CSMD1: variants seen among roughly 807,000 people sequenced by gnomAD.
CSMD1 encodes the protein CUB and sushi domain-containing protein 1.
A neutral mutation model predicts 417.5 loss-of-function variants in CSMD1; 213 were observed. That is an observed-to-expected ratio of 0.51 (90% CI 0.46 to 0.57). CSMD1 has a LOEUF of 0.57. CSMD1 is among the 20% of genes least tolerant of loss of function. The pLI, the probability that CSMD1 is intolerant of heterozygous loss-of-function variation, is 0.00. For synonymous variants in CSMD1, 2,862 were observed against 1,736.8 expected, an observed-to-expected ratio of 1.65 and a Z score of -16.11; for missense variants, 6,923 against 4,529.7, an observed-to-expected ratio of 1.53 and a Z score of -15.17.
intron 2 of CSMD1, among the ~76,000 whole-genome samples, chr8:4,430,805 GT>G (rs1182903862): frequency 6.6e-6 from 1 of 152,070 alleles, no homozygotes; most frequent in African/African-American, 2.4e-5. Context: ...CAGTAACAGC[GT>G]TTTTCCTGTC....
intron 5 of CSMD1, among the ~76,000 whole-genome samples, chr8:3,810,977 A>C (rs1379464207): frequency 6.6e-6 from 1 of 152,180 alleles, no homozygotes; most frequent in Non-Finnish European, 1.5e-5. Flanking sequence ...ATATAAGTAC[A>C]AGTACTTTAA....
intron 1 of CSMD1, among the ~76,000 whole-genome samples, chr8:4,796,774 C>T (rs1272550150): frequency 1.3e-5 from 2 of 152,182 alleles, no homozygotes; most frequent in African/African-American, 2.4e-5. Context: ...GTCCCCTTCC[C>T]CTTTTGCAAT....
At chr8:3,523,790 T>TGCACACACATGCACACAC (rs796600569) in intron 10 of CSMD1, among the ~76,000 whole-genome samples, 1 of 122,066 alleles carries the variant, frequency 8.2e-6, no homozygotes, top group African/African-American at 3.1e-5. Context: ...CCCAGAGACA[T>TGCACACACATGCACACAC]ATGCACACAT....
At position 3,493,615 on chromosome 8, in the gene CSMD1, A is replaced by G; in HGVS notation, c.1448+8T>C. On this transcript the variant is annotated splice_region_variant and intron_variant, in intron 11 of 69. Coordinates refer to ENST00000635120, the MANE Select transcript of CSMD1 (RefSeq NM_033225.6). ...ATAAGAGAAGAAGAAGCTCAAGGAC[A>G]TACTCACACGTACAAGACCGATCTG... 1 of 1,602,210 alleles carries G rather than the reference A, an allele frequency of 6.2e-7. No homozygotes were observed. Among genetic ancestry groups the G allele is most frequent in the Non-Finnish European group, 8.5e-7 (1 of 1,173,498 alleles).
chr8:4,197,738 G>A (rs1281777193), intron 3 of CSMD1, among the ~76,000 whole-genome samples: 1 of 152,122 alleles, frequency 6.6e-6, no homozygotes, highest in East Asian at 1.9e-4. Context: ...AATTAGCTGG[G>A]CATGGTGGTG....
chr8:3,515,422 G>T (rs7832428), intron 10 of CSMD1: 1 of 152,056 alleles, frequency 6.6e-6, no homozygotes, highest in Admixed American at 6.5e-5. Context: ...TTAGACACTT[G>T]GTGACAAATT....
chr8:3,476,749 C>G (rs1246348908), intron 11 of CSMD1, among the ~76,000 whole-genome samples: 3 of 151,836 alleles, frequency 2.0e-5, no homozygotes, highest in Non-Finnish European at 4.4e-5. Context: ...CAAACTCCAT[C>G]TCTACTAAAA....
At chr8:3,517,006 A>C (rs1797308500) in intron 10 of CSMD1, among the ~76,000 whole-genome samples, 1 of 152,192 alleles carries the variant, frequency 6.6e-6, no homozygotes, top group East Asian at 1.9e-4. Flanking sequence ...GGCACTGGTT[A>C]GGTGTCATGG....
intron 5 of CSMD1, among the ~76,000 whole-genome samples, chr8:3,964,221 G>A (rs1472371061): frequency 1.3e-5 from 2 of 152,294 alleles, no homozygotes; most frequent in South Asian, 2.1e-4. Flanking sequence ...ATAAATGAGA[G>A]TGATTTACTA....
chr8:4,276,387 C>T (rs377453419), intron 3 of CSMD1, among the ~76,000 whole-genome samples: 1 of 152,094 alleles, frequency 6.6e-6, no homozygotes, highest in Admixed American at 6.6e-5. Context: ...GAAAACTAAA[C>T]ACCACATGTT....
At chr8:3,018,445 T>G (rs1563242870) in intron 52 of CSMD1, 32 bp downstream of exon 52, 2 of 1,602,538 alleles carry the variant, frequency 1.2e-6, no homozygotes, top group Non-Finnish European at 1.7e-6. Flanking sequence ...TTTATCTGCA[T>G]TAAGTAAGTG....
Position 2,963,359 on chromosome 8 carries a change from C to T in CSMD1, c.9317G>A (p.Gly3106Glu). ...LCPQPPPVQNGTVEGSDFRWG... is the reference protein window; with the variant it reads ...LCPQPPPVQNETVEGSDFRWG... ...GCGGAAATCACTTCCCTCCACTGTT[C>T]CATTCTGCACCGGCGGCGGCTGAGG... Residue 3106 changes from glycine (G) to glutamate (E), a missense_variant, in exon 60 of 70, where the codon GGA becomes GAA. Physicochemically the swap from Gly to Glu is moderately conservative, Grantham distance 98 (BLOSUM62 -2). Transcript: ENST00000635120. 6.2e-7 allele frequency: 1 copy of T among 1,613,958 alleles called. No homozygotes were observed. The highest frequency in any genetic ancestry group is 8.5e-7 in the Non-Finnish European group (1 of 1,179,856).
At chr8:4,934,345 C>T (rs34973356) in intron 1 of CSMD1, among the ~76,000 whole-genome samples, 46,986 of 152,060 alleles carry the variant, frequency 0.31, 8,201 homozygotes, top group Non-Finnish European at 0.4. Flanking sequence ...GTATTAAATT[C>T]AAAATTATTT....
chr8:4,102,527 C>A (rs1325064665), intron 3 of CSMD1, among the ~76,000 whole-genome samples: 1 of 152,096 alleles, frequency 6.6e-6, no homozygotes, highest in African/African-American at 2.4e-5. Flanking sequence ...AATGGGGAGG[C>A]TTATGGTCAC....
intron 11 of CSMD1, among the ~76,000 whole-genome samples, chr8:3,488,453 G>C (rs960751733): frequency 3.9e-5 from 6 of 152,114 alleles, no homozygotes; most frequent in Non-Finnish European, 5.9e-5. Flanking sequence ...AAAACCGATA[G>C]ATAAATGTAT....
intron 5 of CSMD1, among the ~76,000 whole-genome samples, chr8:3,778,484 G>A (rs910239795): frequency 6.6e-6 from 1 of 152,290 alleles, no homozygotes; most frequent in East Asian, 1.9e-4. Flanking sequence ...CCTGTCTTAC[G>A]GTAGTCCCAT....
intron 4 of CSMD1, among the ~76,000 whole-genome samples, chr8:3,999,438 T>A (rs1208867292): frequency 6.6e-6 from 1 of 152,210 alleles, no homozygotes; most frequent in African/African-American, 2.4e-5. Context: ...ATTTCTTTCA[T>A]CTTTCAGCGA....
intron 2 of CSMD1, among the ~76,000 whole-genome samples, chr8:4,632,681 T>C (rs1318896161): frequency 3.0e-4 from 45 of 152,024 alleles, no homozygotes; most frequent in Non-Finnish European, 2.6e-4. Flanking sequence ...CAGGTGTGAG[T>C]TCAAAGGAGT....
chr8:4,894,698 CTG>C lies in CSMD1; in HGVS notation c.85+99632_85+99633del, dbSNP rs1199351387. On this transcript the variant is annotated intron_variant, in intron 1 of 69. Coordinates refer to ENST00000635120, the MANE Select transcript of CSMD1 (RefSeq NM_033225.6). ...GATTTAAGTCAAGTTATCTGAAAGA[CTG>C]TGTGTGTGTGTGTGTGTGTGTGTCT... Among the ~76,000 whole-genome samples the C allele has an allele frequency of 2.6e-3, 384 of 149,998 alleles. 5 individuals carry two copies. Among genetic ancestry groups the C allele is most frequent in the African/African-American group, 8.5e-3 (347 of 40,696 alleles).
Sources: allele counts gnomAD v4.1 joint callset (sites outside exome capture counted in the v4.1 genomes callset), GRCh38; gene constraint gnomAD v4.1.1; transcripts MANE v1.5; gene names NCBI Gene and HGNC (gene_info 2026-07-23, HGNC 2026-07-21).